EPAS1: variants seen among roughly 807,000 people sequenced by gnomAD.
EPAS1 encodes the protein endothelial PAS domain-containing protein 1.
EPAS1 carries 23 observed loss-of-function variants against 87.9 expected under a neutral mutation model. The observed-to-expected ratio is 0.26, with a 90% CI of 0.19 to 0.37. The LOEUF (loss-of-function observed/expected upper bound fraction) is 0.37, where lower values mean the gene tolerates loss of function less well. Ranked by LOEUF, EPAS1 falls within the 10% of genes least tolerant of loss-of-function variation. The pLI is 1.00. For missense variants in EPAS1, 1,138 were observed against 1,120.7 expected, an observed-to-expected ratio of 1.02 and a Z score of -0.22; for synonymous variants, 508 against 444.3, an observed-to-expected ratio of 1.14 and a Z score of -1.80.
chr2:46,330,751 G>C (rs922234625), intron 1 of EPAS1, among the ~76,000 whole-genome samples: 6 of 152,194 alleles, frequency 3.9e-5, no homozygotes, highest in Non-Finnish European at 8.8e-5. Context: ...CCTTAGGAGG[G>C]ATGGTCCCAA....
intron 3 of EPAS1, 108 bp downstream of exon 3, chr2:46,356,410 C>A: frequency 7.1e-7 from 1 of 1,405,474 alleles, no homozygotes; most frequent in Non-Finnish European, 1.0e-6. Flanking sequence ...CTGCAAATGC[C>A]CACGGTGACC....
At chr2:46,344,470 C>T (rs1411016766) in intron 1 of EPAS1, among the ~76,000 whole-genome samples, 1 of 152,238 alleles carries the variant, frequency 6.6e-6, no homozygotes, top group Non-Finnish European at 1.5e-5. Context: ...CAGCATCTTT[C>T]ACCTGACCCT....
At chr2:46,378,203 C>T (rs981961444) in intron 10 of EPAS1, 116 bp downstream of exon 10, 5 of 1,479,048 alleles carry the variant, frequency 3.4e-6, no homozygotes, top group Non-Finnish European at 4.5e-6. Flanking sequence ...TCACAGAGCC[C>T]CCTAGAGTGG....
intron 15 of EPAS1, 149 bp from the exon 16 acceptor site, chr2:46,384,360 G>T: frequency 1.8e-6 from 2 of 1,120,752 alleles, no homozygotes; most frequent in Non-Finnish European, 2.7e-6. Flanking sequence ...ACGTTCCCCG[G>T]GCATGCAGCA....
intron 4 of EPAS1, among the ~76,000 whole-genome samples, chr2:46,357,963 C>A (rs1363853226): frequency 6.6e-6 from 1 of 152,144 alleles, no homozygotes; most frequent in Non-Finnish European, 1.5e-5. Flanking sequence ...GTCAAGGTCC[C>A]TTCCAAACCT....
In EPAS1 at chr2:46,360,990, G is replaced by A. The variant is rs2103637049; in HGVS notation, c.679G>A (p.Glu227Lys). 2 of 1,614,138 alleles carry A rather than the reference G, an allele frequency of 1.2e-6. No individual in the cohort carries two copies. Among genetic ancestry groups the A allele is most frequent in the Non-Finnish European group, 1.7e-6 (2 of 1,180,026 alleles). ...GCTGTCCTGCCTCATCATCATGTGT[G>A]AACCAATCCAGCACCCATCCCACAT... ...PLLSCLIIMC[E>K]PIQHPSHMDI... The change falls in exon 6 of 16, where the codon GAA becomes AAA. Residue 227 changes from glutamate to lysine, a missense_variant. By Grantham distance (56) the Glu-to-Lys change is moderately conservative. This residue lies in a region of EPAS1 where 351 missense variants were observed against 417.1 expected (regional missense o/e 0.84). Coordinates refer to ENST00000263734, the MANE Select transcript of EPAS1 (RefSeq NM_001430.5). The surrounding 1 kb of genome is among the most constrained non-coding windows in gnomAD (Gnocchi z 4.5).
At position 46,300,080 on chromosome 2, in the gene EPAS1, T is replaced by G. The variant is rs1451358745; in HGVS notation, c.26+2143T>G. Among the ~76,000 whole-genome samples the G allele has an allele frequency of 3.3e-5, 5 of 150,254 alleles. No homozygotes were observed. The highest frequency in any genetic ancestry group is 7.3e-5 in the Non-Finnish European group (5 of 68,034). On this transcript the variant is annotated intron_variant, in intron 1 of 15. Transcript: ENST00000263734. The surrounding 1 kb of genome is among the most constrained non-coding windows in gnomAD (Gnocchi z 4.1). ...CCATCTAGAGCCCCTTAAGGGGTTG[T>G]CCAATTCCTATTGGGCTAATCAGTT...
chr2:46,297,855 A>C lies in EPAS1; in HGVS notation c.-57A>C. 6.3e-7 allele frequency: 1 copy of C among 1,588,384 alleles called. No homozygotes were observed. Among genetic ancestry groups the C allele is most frequent in the Non-Finnish European group, 8.6e-7 (1 of 1,167,574 alleles). On this transcript the variant is annotated 5_prime_UTR_variant, in exon 1 of 16. Transcript: ENST00000263734. Reference sequence around the variant, plus strand: ...GAGCGGACGAGGGCCACAGCCCCCCACCCGCCAGGGAGCCCAGGTGCTCGG... The same window carrying C: ...GAGCGGACGAGGGCCACAGCCCCCCCCCCGCCAGGGAGCCCAGGTGCTCGG...
Position 46,375,321 on chromosome 2 carries a change from T to A in EPAS1, c.887-369T>A, listed in dbSNP as rs1230682234. On this transcript the variant is annotated intron_variant, in intron 7 of 15. Transcript: ENST00000263734. The surrounding 1 kb of genome is among the most constrained non-coding windows in gnomAD (Gnocchi z 4.1). ...AGGGGCTTCTTCTCATTGAACCCCA[T>A]GAAGAAAGTAAGGCAGGTTCTGGAC... is the stretch of plus-strand genomic sequence containing the variant. Among the ~76,000 whole-genome samples the A allele has an allele frequency of 1.3e-5, 2 of 151,896 alleles. No homozygotes were observed. The highest frequency in any genetic ancestry group is 2.9e-5 in the Non-Finnish European group (2 of 67,958).
chr2:46,299,575 C>T (rs1237572460), intron 1 of EPAS1, among the ~76,000 whole-genome samples: 3 of 152,220 alleles, frequency 2.0e-5, no homozygotes, highest in Non-Finnish European at 4.4e-5. Context: ...CCTGCAGACG[C>T]TTTCGGGTCC....
chr2:46,356,322 C>T lies in EPAS1; in HGVS notation c.369+20C>T, dbSNP rs1437684122. On this transcript the variant is annotated intron_variant, in intron 3 of 15. Transcript: ENST00000263734. ...ACACAGGTGACACCCTCCTCTATCTCTTTCAAAAGAAGAAATGTTTCCATT... is the reference window on the plus strand; with the variant it reads ...ACACAGGTGACACCCTCCTCTATCTTTTTCAAAAGAAGAAATGTTTCCATT... The T allele has an allele frequency of 6.2e-7, 1 of 1,613,966 alleles. No individual in the cohort carries two copies. The highest frequency in any genetic ancestry group is 8.5e-7 in the Non-Finnish European group (1 of 1,179,946).
Position 46,360,121 on chromosome 2 carries a change from T to A in EPAS1, c.455-517T>A, listed in dbSNP as rs951864556. Reference sequence around the variant, plus strand: ...GGTATCCTGAACACAGCTATTGCAGTTTGCAAATGGGGTACAGGAGGGGTT... The same window carrying A: ...GGTATCCTGAACACAGCTATTGCAGATTGCAAATGGGGTACAGGAGGGGTT... On this transcript the variant is annotated intron_variant, in intron 4 of 15. Transcript: ENST00000263734. The surrounding 1 kb of genome is among the most constrained non-coding windows in gnomAD (Gnocchi z 4.5). Among the ~76,000 whole-genome samples, 1 of 152,072 alleles carries A rather than the reference T, an allele frequency of 6.6e-6. No individual in the cohort carries two copies. The highest frequency in any genetic ancestry group is 1.5e-5 in the Non-Finnish European group (1 of 68,006).
intron 6 of EPAS1, among the ~76,000 whole-genome samples, chr2:46,365,782 TACATA>T (rs1336444701): frequency 1.3e-5 from 2 of 152,216 alleles, no homozygotes; most frequent in African/African-American, 4.8e-5. Flanking sequence ...GTGAACAGCG[TACATA>T]TTAGTAAGGA....
chr2:46,377,678 G>A (rs772017959), intron 9 of EPAS1, among the ~76,000 whole-genome samples: 2 of 152,298 alleles, frequency 1.3e-5, no homozygotes, highest in Non-Finnish European at 2.9e-5. Context: ...AAATGTCCCA[G>A]GAGACTGTTC....
chr2:46,320,489 T>TGATAAATG (rs1235374663), intron 1 of EPAS1, among the ~76,000 whole-genome samples: 5 of 152,234 alleles, frequency 3.3e-5, no homozygotes, highest in African/African-American at 9.6e-5. Flanking sequence ...AGTGTTAATT[T>TGATAAATG]GATAAATGGC....
intron 1 of EPAS1, among the ~76,000 whole-genome samples, chr2:46,299,880 A>G (rs1461969453): frequency 6.6e-6 from 1 of 152,248 alleles, no homozygotes; most frequent in Non-Finnish European, 1.5e-5. Flanking sequence ...TAGACTCCCA[A>G]TTATTGGCGA....
intron 1 of EPAS1, among the ~76,000 whole-genome samples, chr2:46,307,550 T>A (rs1199610906): frequency 1.3e-5 from 2 of 152,166 alleles, no homozygotes; most frequent in Non-Finnish European, 2.9e-5. Context: ...CTGGCTTTCT[T>A]GCTATCACTC....
intron 1 of EPAS1, among the ~76,000 whole-genome samples, chr2:46,342,147 GT>G: frequency 6.6e-6 from 1 of 152,266 alleles, no homozygotes; most frequent in Non-Finnish European, 1.5e-5. Context: ...CCAGGCATCT[GT>G]TTTTTAAGGT....
intron 1 of EPAS1, among the ~76,000 whole-genome samples, chr2:46,326,945 T>A (rs1002737863): frequency 6.6e-6 from 1 of 152,188 alleles, no homozygotes; most frequent in African/African-American, 2.4e-5. Context: ...TTGTGGTATC[T>A]TGGAGAAGTC....
Sources: allele counts gnomAD v4.1 joint callset (sites outside exome capture counted in the v4.1 genomes callset), GRCh38; gene constraint gnomAD v4.1.1; regional missense constraint gnomAD v4.1.1; non-coding constraint Gnocchi (gnomAD v3.1); transcripts MANE v1.5; gene names NCBI Gene and HGNC (gene_info 2026-07-23, HGNC 2026-07-21).